Variants in EPS15L1 observed in about 807,000 individuals in gnomAD.
EPS15L1 encodes epidermal growth factor receptor pathway substrate 15 like 1.
Under a neutral mutation model 117.1 loss-of-function variants are expected in EPS15L1, and 43 were observed. The observed-to-expected ratio is 0.37, with a 90% CI of 0.29 to 0.47. The LOEUF (loss-of-function observed/expected upper bound fraction) is 0.47, where lower values mean the gene tolerates loss of function less well. EPS15L1 is among the 20% of genes least tolerant of loss of function. The pLI is 0.99. For missense variants in EPS15L1, 981 were observed against 1,164.0 expected (o/e 0.84, Z 2.29); for synonymous variants, 459 against 470.5 (o/e 0.98, Z 0.32).
chr19:16,378,541 C>A (rs1435606882), intron 21 of EPS15L1, among the ~76,000 whole-genome samples: 5 of 152,172 alleles, frequency 3.3e-5, no homozygotes, highest in African/African-American at 1.2e-4. Flanking sequence ...GCCACCCACG[C>A]CTGCACTGCT....
intron 1 of EPS15L1, among the ~76,000 whole-genome samples, chr19:16,451,338 C>A (rs1166686752): frequency 6.6e-6 from 1 of 152,018 alleles, no homozygotes; most frequent in Non-Finnish European, 1.5e-5. Flanking sequence ...AACCTAATGA[C>A]CAAATGCAAG....
intron 1 of EPS15L1, among the ~76,000 whole-genome samples, chr19:16,463,147 C>G (rs1289441234): frequency 6.6e-6 from 1 of 152,158 alleles, no homozygotes; most frequent in African/African-American, 2.4e-5. Context: ...TTGACTGTAC[C>G]TAAATGTGGG....
At chr19:16,424,862 C>T (rs560469178) in intron 9 of EPS15L1, among the ~76,000 whole-genome samples, 45 of 152,118 alleles carry the variant, frequency 3.0e-4, no homozygotes, top group African/African-American at 1.0e-3. Context: ...GGGGTTTCAC[C>T]ATGTTGGCCA....
chr19:16,377,888 C>G (rs191799684), intron 21 of EPS15L1, among the ~76,000 whole-genome samples: 1 of 152,344 alleles, frequency 6.6e-6, no homozygotes, highest in Non-Finnish European at 1.5e-5. Context: ...CCACCTCTGG[C>G]CCGGACCCTC....
Position 16,394,045 on chromosome 19 carries a change from G to C in EPS15L1, c.1916-44C>G, listed in dbSNP as rs547045369. 39 of 1,597,312 alleles carry C rather than the reference G, an allele frequency of 2.4e-5. No individual in the cohort carries two copies. In the South Asian group the frequency reaches 4.0e-4, roughly 16 times the overall value. ...AAATGCTTATTAGCTCTAGGGCACAGGATGCGGGCCGGGCCCTTGGACACA... is the reference window on the plus strand; with the variant it reads ...AAATGCTTATTAGCTCTAGGGCACACGATGCGGGCCGGGCCCTTGGACACA... On this transcript the variant is annotated intron_variant, in intron 17 of 23. Transcript: ENST00000455140.
At chr19:16,355,922 G>C in intron 23 of EPS15L1, 71 bp from the exon 24 acceptor site, 1 of 1,499,436 alleles carries the variant, frequency 6.7e-7, no homozygotes, top group Non-Finnish European at 8.9e-7. Context: ...GGGAGGCAGG[G>C]AATGCGTGGG....
At chr19:16,448,998 G>A (rs1192492488) in intron 1 of EPS15L1, among the ~76,000 whole-genome samples, 1 of 152,162 alleles carries the variant, frequency 6.6e-6, no homozygotes, top group African/African-American at 2.4e-5. Context: ...GGCAAGCCAG[G>A]CATGGTGGTG....
At chr19:16,394,420 C>T (rs975320982) in intron 17 of EPS15L1, among the ~76,000 whole-genome samples, 1 of 152,180 alleles carries the variant, frequency 6.6e-6, no homozygotes, top group Admixed American at 6.5e-5. Flanking sequence ...GAGGCGGCGG[C>T]ACCCCTGGGC....
chr19:16,355,899 C>T, intron 23 of EPS15L1, 48 bp from the exon 24 acceptor site: 4 of 1,524,194 alleles, frequency 2.6e-6, no homozygotes, highest in Non-Finnish European at 3.5e-6. Context: ...GGGGCTGGGA[C>T]CTGCAAGCTG....
intron 17 of EPS15L1, 78 bp from the exon 18 acceptor site, chr19:16,394,079 C>T: frequency 6.3e-6 from 8 of 1,273,174 alleles, no homozygotes; most frequent in Non-Finnish European, 6.9e-6. Context: ...CAGCCACCCA[C>T]CTCCCAAGCC....
chr19:16,446,294 C>G (rs1019185168), intron 1 of EPS15L1, among the ~76,000 whole-genome samples: 1 of 152,174 alleles, frequency 6.6e-6, no homozygotes, highest in Non-Finnish European at 1.5e-5. Flanking sequence ...ACTCTGATCC[C>G]CGCACGTGGC....
At chr19:16,361,487 C>G in intron 23 of EPS15L1, 13 of 844,624 alleles carry the variant, frequency 1.5e-5, no homozygotes, top group Non-Finnish European at 1.9e-5. Flanking sequence ...CTCGGTGCGT[C>G]AGAAATAATA....
intron 3 of EPS15L1, chr19:16,441,629 CA>C (rs369757727): frequency 0.072 from 6,249 of 87,060 alleles, 24 homozygotes; most frequent in Middle Eastern, 0.099. Flanking sequence ...AACTCTGTCT[CA>C]AAAAAAAAAA....
At chr19:16,400,360 A>AAAAAAAAAAAAAC (rs1568418719) in intron 16 of EPS15L1, among the ~76,000 whole-genome samples, 5 of 150,092 alleles carry the variant, frequency 3.3e-5, no homozygotes, top group South Asian at 2.1e-4. Flanking sequence ...CAAAAACAAA[A>AAAAAAAAAAAAAC]AAAAAAAAAA....
At chr19:16,430,604 T>C (rs2092918455) in intron 7 of EPS15L1, among the ~76,000 whole-genome samples, 1 of 152,174 alleles carries the variant, frequency 6.6e-6, no homozygotes, top group African/African-American at 2.4e-5. Flanking sequence ...TCTTAGCTAT[T>C]ACTTATTTGA....
intron 19 of EPS15L1, among the ~76,000 whole-genome samples, chr19:16,387,050 ACT>A (rs2092427330): frequency 6.6e-6 from 1 of 152,226 alleles, no homozygotes; most frequent in Non-Finnish European, 1.5e-5. Flanking sequence ...AGATGGTGGA[ACT>A]CTGAGACAGG....
intron 1 of EPS15L1, among the ~76,000 whole-genome samples, chr19:16,445,089 GA>G (rs1397770743): frequency 6.6e-6 from 1 of 151,706 alleles, no homozygotes; most frequent in Non-Finnish European, 1.5e-5. Flanking sequence ...GATTCCAGTG[GA>G]AAAAAAAGAG....
At chr19:16,441,268 C>T (rs555725273) in intron 3 of EPS15L1, 9 of 296,100 alleles carry the variant, frequency 3.0e-5, no homozygotes, top group South Asian at 1.6e-4. Flanking sequence ...GTCAGGAGTG[C>T]GAGACCAGTC....
chr19:16,375,808 C>T (rs1461318996), intron 22 of EPS15L1, among the ~76,000 whole-genome samples: 9 of 152,222 alleles, frequency 5.9e-5, no homozygotes, highest in Non-Finnish European at 7.3e-5. Context: ...CTGGGCACTG[C>T]GGGCTGGGTC....
Sources: allele counts gnomAD v4.1 joint callset (sites outside exome capture counted in the v4.1 genomes callset), GRCh38; gene constraint gnomAD v4.1.1; transcripts MANE v1.5; gene names NCBI Gene and HGNC (gene_info 2026-07-23, HGNC 2026-07-21).